The following PCNT variants were observed in gnomAD, a reference collection of about 807,000 sequenced individuals.
The protein encoded by PCNT is pericentrin.
A neutral mutation model predicts 380.4 loss-of-function variants in PCNT; 319 were observed. That is an observed-to-expected ratio of 0.84 (90% CI 0.77 to 0.92). The LOEUF (loss-of-function observed/expected upper bound fraction) is 0.92, where lower values mean the gene tolerates loss of function less well. Among genes scored for constraint, PCNT ranks in the 40% least tolerant of loss-of-function variants. The probability of loss-of-function intolerance (pLI) is 0.00; values close to 1 mark genes in which losing one functional copy is unlikely to be tolerated. For missense variants in PCNT, 4,400 were observed against 4,255.3 expected (o/e 1.03, Z -0.95); for synonymous variants, 1,845 against 1,735.2 (o/e 1.06, Z -1.57).
At chr21:46,406,296 T>C (rs2086621483) in intron 27 of PCNT, among the ~76,000 whole-genome samples, 1 of 152,238 alleles carries the variant, frequency 6.6e-6, no homozygotes, top group Non-Finnish European at 1.5e-5. Flanking sequence ...GTGATGTTTC[T>C]TTAATTTTAC....
At chr21:46,366,140 C>G (rs2084921510) in intron 14 of PCNT, among the ~76,000 whole-genome samples, 1 of 152,226 alleles carries the variant, frequency 6.6e-6, no homozygotes, top group Non-Finnish European at 1.5e-5. Context: ...GGTTCTCAGG[C>G]CTCGCCCTCC....
At chr21:46,343,685 G>A (rs768878871) in intron 3 of PCNT, among the ~76,000 whole-genome samples, 3 of 152,076 alleles carry the variant, frequency 2.0e-5, no homozygotes, top group Admixed American at 6.6e-5. Context: ...AATAGTTTCA[G>A]TAGGATTAGT....
chr21:46,358,693 C>G (rs1331655065), intron 13 of PCNT, among the ~76,000 whole-genome samples: 3 of 151,506 alleles, frequency 2.0e-5, no homozygotes, highest in African/African-American at 7.3e-5. Flanking sequence ...GGCGCGATCT[C>G]AGCTCACTGC....
chr21:46,408,867 C>T (rs1286863190), intron 27 of PCNT, among the ~76,000 whole-genome samples: 2 of 151,810 alleles, frequency 1.3e-5, no homozygotes, highest in African/African-American at 2.4e-5. Flanking sequence ...GGATTACAGG[C>T]GCCGCCACCA....
In PCNT at chr21:46,334,694, G is replaced by T. The variant is rs2146362311; in HGVS notation, c.565G>T (p.Asp189Tyr). The T allele has an allele frequency of 1.9e-6, 3 of 1,612,002 alleles. No individual in the cohort carries two copies. The highest frequency in any genetic ancestry group is 1.3e-5 in the African/African-American group (1 of 75,016). ...ACAGCGTGGGATGTTCACAGTCAGT[G>T]ACCACACACCAGAACAGCGTGGGAT... ...PEQRGMFTVS[D>Y]HTPEQRGIFT... The change falls in exon 3 of 47, where the codon GAC becomes TAC. Residue 189 changes from aspartate (D) to tyrosine (Y), a missense_variant. Physicochemically the swap from Asp to Tyr is radical, Grantham distance 160. Coordinates refer to ENST00000359568, the MANE Select transcript of PCNT (RefSeq NM_006031.6).
intron 13 of PCNT, among the ~76,000 whole-genome samples, chr21:46,359,698 G>A (rs9977837): frequency 1.4e-4 from 16 of 112,868 alleles, no homozygotes; most frequent in Admixed American, 3.4e-4. Context: ...TATGTTGGCC[G>A]GGCTGGTCTC....
rs577790793 is a variant in PCNT, at chr21:46,326,327, T to C, written c.55-50T>C. ...TCTGTTGACTTTGTGGTTCTGTTAT[T>C]TTTTTCTCACTTACCTTTGCCTTTA... On this transcript the variant is annotated intron_variant, in intron 1 of 46. Transcript: ENST00000359568. The C allele has an allele frequency of 1.5e-4, 242 of 1,580,574 alleles. 1 individual carries two copies. The South Asian group carries it at 2.6e-3, about 17-fold the overall frequency.
chr21:46,411,881 G>A lies in PCNT; in HGVS notation c.5808G>A (p.Leu1936=). 1 of 1,572,576 alleles carries A rather than the reference G, an allele frequency of 6.4e-7. No homozygotes were observed. The highest frequency in any genetic ancestry group is 2.3e-5 in the East Asian group (1 of 43,276). ...GCCTCAGCCGCCAGCTGCAGGTGCT[G>A]CACCAGCGGTTCCTGAGGTGCCAGG... ...CARLSRQLQV[L]HQRFLRCQVE... is the part of the protein sequence containing the mutation. Residue 1936 remains leucine (L), a synonymous_variant, in exon 28 of 47, where the codon CTG becomes CTA. Coordinates refer to ENST00000359568, the MANE Select transcript of PCNT (RefSeq NM_006031.6).
intron 2 of PCNT, among the ~76,000 whole-genome samples, chr21:46,333,849 A>G (rs973617330): frequency 2.6e-5 from 4 of 151,998 alleles, no homozygotes; most frequent in Admixed American, 6.6e-5. Flanking sequence ...AAAAAAAAAA[A>G]AAAGTAGAAT....
intron 28 of PCNT, among the ~76,000 whole-genome samples, 169 bp downstream of exon 28, chr21:46,412,236 C>T (rs901419505): frequency 5.3e-5 from 8 of 152,178 alleles, no homozygotes; most frequent in South Asian, 4.1e-4. Flanking sequence ...GGGCCTGTTC[C>T]GTGTCAGTAC....
At chr21:46,337,269 G>T (rs980974597) in intron 3 of PCNT, among the ~76,000 whole-genome samples, 3 of 152,144 alleles carry the variant, frequency 2.0e-5, no homozygotes, top group Admixed American at 1.3e-4. Context: ...GGGCCACCAC[G>T]CCCGGCCCCA....
intron 17 of PCNT, among the ~76,000 whole-genome samples, chr21:46,387,016 C>CT (rs2085861887): frequency 6.6e-6 from 1 of 152,140 alleles, no homozygotes; most frequent in Non-Finnish European, 1.5e-5. Context: ...CCCCAGGCCT[C>CT]TGAGTCCTGC....
Position 46,382,584 on chromosome 21 carries a change from GCGGAAGCGCA to G in PCNT, c.3312+745_3312+754del, listed in dbSNP as rs1601905187. Among the ~76,000 whole-genome samples, 2 of 141,956 alleles carry G rather than the reference GCGGAAGCGCA, an allele frequency of 1.4e-5. 1 individual carries two copies. The highest frequency in any genetic ancestry group is 4.2e-4 in the East Asian group (2 of 4,722). The allele number at this position is 141,956 out of a possible 152,430, so 93.1% of individuals were successfully genotyped here. ...CATTCACGGTGTTGTATATTCAGTG[GCGGAAGCGCA>G]TTCACGGTGTTGTGCATTCAGTGGC... On this transcript the variant is annotated intron_variant, in intron 16 of 46. Transcript: ENST00000359568.
rs767908571 is a variant in PCNT, at chr21:46,399,749, C to A, written c.4744C>A (p.Gln1582Lys). Residue 1582 changes from glutamine (Q) to lysine (K), a missense_variant, in exon 25 of 47, where the codon CAG (glutamine) becomes AAG (lysine). Gln to Lys is a moderately conservative substitution (Grantham distance 53). Transcript: ENST00000359568. ...CATCAGGAAAAAAGTGGCCCAGCTCCAGGAAGAAGTGGAAAAACAGAAAAA... is the reference window on the plus strand; with the variant it reads ...CATCAGGAAAAAAGTGGCCCAGCTCAAGGAAGAAGTGGAAAAACAGAAAAA... ...INIRKKVAQL[Q>K]EEVEKQKNIV... 1.9e-6 allele frequency: 3 copies of A among 1,614,116 alleles called. No individual in the cohort carries two copies. Among genetic ancestry groups the A allele is most frequent in the East Asian group, 4.5e-5 (2 of 44,888 alleles).
At position 46,381,709 on chromosome 21, in the gene PCNT, G is replaced by T. The variant is rs1051883293; in HGVS notation, c.3181G>T (p.Glu1061Ter). 5 of 1,613,998 alleles carry T rather than the reference G, an allele frequency of 3.1e-6. No individual in the cohort carries two copies. Among genetic ancestry groups the T allele is most frequent in the Non-Finnish European group, 4.2e-6 (5 of 1,179,860 alleles). Residue 1061 changes from glutamate to a stop codon, truncating the protein, a stop_gained, in exon 16 of 47, where the codon GAA becomes TAA. Coordinates refer to ENST00000359568, the MANE Select transcript of PCNT (RefSeq NM_006031.6). LOFTEE classifies it high-confidence loss of function. Reference protein sequence around the residue: ...QGVHQGEFGSEKKTALHEKEE... With the variant: ...QGVHQGEFGS ...ATGTGTACAGGGTGAATTTGGAAGT[G>T]AAAAGAAAACTGCTTTGCATGAAAA...
In PCNT at chr21:46,426,790, G is replaced by T. The variant is rs562888621; in HGVS notation, c.7320+819G>T. Among the ~76,000 whole-genome samples, 3 of 152,286 alleles carry T rather than the reference G, an allele frequency of 2.0e-5. No homozygotes were observed. The South Asian group carries it at 6.2e-4, about 32-fold the overall frequency. ...AGGGCTTGTGGAGGTTGTGGAGTGG[G>T]TGCCAACTCCCATCACGCTCCCTCC... On this transcript the variant is annotated intron_variant, in intron 33 of 46. Coordinates refer to ENST00000359568, the MANE Select transcript of PCNT (RefSeq NM_006031.6).
At chr21:46,385,675 G>A (rs2085804559) in intron 16 of PCNT, among the ~76,000 whole-genome samples, 157 bp from the exon 17 acceptor site, 2 of 152,214 alleles carry the variant, frequency 1.3e-5, no homozygotes, top group Admixed American at 1.3e-4. Flanking sequence ...GTGAGTCGAG[G>A]AACGTGCCGA....
intron 3 of PCNT, among the ~76,000 whole-genome samples, chr21:46,336,394 G>T (rs1463585297): frequency 6.6e-6 from 1 of 152,144 alleles, no homozygotes; most frequent in Non-Finnish European, 1.5e-5. Flanking sequence ...TGACTTCTTG[G>T]GACCGGGTCT....
rs1268006837 is a variant in PCNT at position 46,425,211 on chromosome 21, T to C, written c.7180-620T>C. Among the ~76,000 whole-genome samples the C allele has an allele frequency of 6.6e-6, 1 of 152,128 alleles. No homozygotes were observed. The highest frequency in any genetic ancestry group is 2.4e-5 in the African/African-American group (1 of 41,422). On this transcript the variant is annotated intron_variant, in intron 32 of 46. Transcript: ENST00000359568. The surrounding 1 kb of genome is among the most constrained non-coding windows in gnomAD (Gnocchi z 4.2). ...CCCCTCAGCCTCTCTGGCGAGACAG[T>C]CAAGTGTGTGTCCGGACACCAGCTG...
Sources: allele counts gnomAD v4.1 joint callset (sites outside exome capture counted in the v4.1 genomes callset), GRCh38; gene constraint gnomAD v4.1.1; non-coding constraint Gnocchi (gnomAD v3.1); transcripts MANE v1.5; gene names NCBI Gene and HGNC (gene_info 2026-07-23, HGNC 2026-07-21).